The following NMNAT2 variants were observed in gnomAD, a reference collection of about 807,000 sequenced individuals.
NMNAT2 encodes the protein nicotinamide nucleotide adenylyltransferase 2.
Under a neutral mutation model 41.6 loss-of-function variants are expected in NMNAT2, and 11 were observed. That is an observed-to-expected ratio of 0.26 (90% CI 0.17 to 0.44). The LOEUF (loss-of-function observed/expected upper bound fraction) is 0.44. Ranked by LOEUF, NMNAT2 falls within the 20% of genes least tolerant of loss-of-function variation. The pLI is 1.00. For missense variants in NMNAT2, 288 were observed against 407.7 expected, an observed-to-expected ratio of 0.71 and a Z score of 2.53; for synonymous variants, 148 against 151.2, an observed-to-expected ratio of 0.98 and a Z score of 0.16.
At chr1:183,388,266 A>C (rs1196228669) in intron 1 of NMNAT2, among the ~76,000 whole-genome samples, 2 of 152,120 alleles carry the variant, frequency 1.3e-5, no homozygotes, top group Non-Finnish European at 2.9e-5. Context: ...AAACTGAAGA[A>C]TATGGAGGCG....
At chr1:183,317,410 A>T (rs1387441698) in intron 1 of NMNAT2, among the ~76,000 whole-genome samples, 1 of 152,154 alleles carries the variant, frequency 6.6e-6, no homozygotes, top group Non-Finnish European at 1.5e-5. Flanking sequence ...GCTGGCATTC[A>T]GCCACCATGT....
At chr1:183,412,559 G>A (rs1459334032) in intron 1 of NMNAT2, among the ~76,000 whole-genome samples, 5 of 152,232 alleles carry the variant, frequency 3.3e-5, no homozygotes, top group African/African-American at 1.2e-4. Context: ...AGAAATGAGT[G>A]TTGCAACCAA....
chr1:183,262,844 G>C (rs1220147825), intron 8 of NMNAT2, among the ~76,000 whole-genome samples: 1 of 152,210 alleles, frequency 6.6e-6, no homozygotes, highest in African/African-American at 2.4e-5. Context: ...TCCCAGATGG[G>C]GGAAGAGGGG....
chr1:183,307,302 G>T (rs1179309805), intron 1 of NMNAT2, among the ~76,000 whole-genome samples: 1 of 141,722 alleles, frequency 7.1e-6, no homozygotes, highest in Admixed American at 7.3e-5. Context: ...ACCAAACAAA[G>T]GGTTCTTTTT....
At chr1:183,404,275 A>G (rs1648894680) in intron 1 of NMNAT2, among the ~76,000 whole-genome samples, 1 of 152,064 alleles carries the variant, frequency 6.6e-6, no homozygotes, top group Non-Finnish European at 1.5e-5. Flanking sequence ...ATTTTAGTAG[A>G]GACGGGGTTT....
intron 1 of NMNAT2, among the ~76,000 whole-genome samples, chr1:183,334,314 G>A (rs1470685417): frequency 2.0e-5 from 3 of 151,402 alleles, no homozygotes; most frequent in South Asian, 2.1e-4. Context: ...AGATCCATCC[G>A]CCTCAGCCTT....
At chr1:183,332,542 T>C (rs1662606308) in intron 1 of NMNAT2, among the ~76,000 whole-genome samples, 1 of 152,156 alleles carries the variant, frequency 6.6e-6, no homozygotes, top group South Asian at 2.1e-4. Context: ...GAGAAAAGGC[T>C]TAAAATGAGG....
chr1:183,277,588 C>G (rs1026036438), intron 8 of NMNAT2, among the ~76,000 whole-genome samples: 2 of 151,640 alleles, frequency 1.3e-5, no homozygotes, highest in Non-Finnish European at 2.9e-5. Context: ...GAATCTTGAG[C>G]CTGACCCTGT....
intron 8 of NMNAT2, among the ~76,000 whole-genome samples, chr1:183,263,435 G>A (rs1363578681): frequency 6.6e-6 from 1 of 152,220 alleles, no homozygotes; most frequent in South Asian, 2.1e-4. Context: ...TCACTACTTA[G>A]ATACTGGTTC....
rs182061912 is a variant in NMNAT2 at position 183,351,249 on chromosome 1, G to A, written c.86-57456C>T. Reference sequence around the variant, plus strand: ...TGATAGGATTTTCAGATACTCTGACGAAGTGCATGGATTCCTGGCAGCAGG... The same window carrying A: ...TGATAGGATTTTCAGATACTCTGACAAAGTGCATGGATTCCTGGCAGCAGG... On this transcript the variant is annotated intron_variant, in intron 1 of 10. Coordinates refer to ENST00000287713, the MANE Select transcript of NMNAT2 (RefSeq NM_015039.4). Among the ~76,000 whole-genome samples the A allele has an allele frequency of 3.3e-5, 5 of 152,342 alleles. No homozygotes were observed. The East Asian group carries it at 7.7e-4, about 23-fold the overall frequency.
At chr1:183,260,298 T>A (rs1660624620) in intron 10 of NMNAT2, among the ~76,000 whole-genome samples, 1 of 152,212 alleles carries the variant, frequency 6.6e-6, no homozygotes, top group Admixed American at 6.5e-5. Flanking sequence ...GGAAGCTTCA[T>A]ATGGATGAGG....
At chr1:183,366,180 T>C (rs1368851876) in intron 1 of NMNAT2, among the ~76,000 whole-genome samples, 2 of 152,252 alleles carry the variant, frequency 1.3e-5, no homozygotes, top group Non-Finnish European at 2.9e-5. Context: ...CCATCCCGTC[T>C]TTCTGACCTC....
intron 1 of NMNAT2, among the ~76,000 whole-genome samples, chr1:183,325,455 T>C (rs1386480399): frequency 6.6e-6 from 1 of 152,254 alleles, no homozygotes; most frequent in African/African-American, 2.4e-5. Flanking sequence ...AGAAGTGTCG[T>C]ATTCTTTAAG....
chr1:183,413,721 C>T (rs569699768), intron 1 of NMNAT2, among the ~76,000 whole-genome samples: 1 of 150,252 alleles, frequency 6.7e-6, no homozygotes, highest in South Asian at 2.1e-4. Context: ...ATTCTCCTGC[C>T]TCAGCCTCCT....
chr1:183,412,519 G>A (rs557877787), intron 1 of NMNAT2, among the ~76,000 whole-genome samples: 15 of 152,302 alleles, frequency 9.8e-5, no homozygotes, highest in African/African-American at 3.4e-4. Flanking sequence ...CACCATGCCC[G>A]GCCAAAAGGA....
chr1:183,399,502 T>C (rs1648748967), intron 1 of NMNAT2, among the ~76,000 whole-genome samples: 1 of 152,176 alleles, frequency 6.6e-6, no homozygotes, highest in Admixed American at 6.5e-5. Context: ...GCTGGTACCA[T>C]TCCTTCTGAA....
intron 1 of NMNAT2, among the ~76,000 whole-genome samples, chr1:183,382,434 C>A (rs939560862): frequency 2.0e-5 from 3 of 152,180 alleles, no homozygotes; most frequent in Non-Finnish European, 2.9e-5. Flanking sequence ...AAAATATAAT[C>A]ATCACTTTTC....
At chr1:183,384,616 T>C (rs563990264) in intron 1 of NMNAT2, among the ~76,000 whole-genome samples, 17 of 152,272 alleles carry the variant, frequency 1.1e-4, no homozygotes, top group Admixed American at 3.3e-4. Flanking sequence ...TTCTCCAACA[T>C]TGGGGATGAC....
intron 1 of NMNAT2, among the ~76,000 whole-genome samples, chr1:183,381,184 G>C (rs1156793979): frequency 6.6e-6 from 1 of 152,146 alleles, no homozygotes; most frequent in Non-Finnish European, 1.5e-5. Context: ...TGACCAGGAG[G>C]ATGGGCATCC....
Sources: gnomAD v4.1 joint callset for allele counts (sites outside exome capture counted in the v4.1 genomes callset) on GRCh38, gnomAD v4.1.1 for gene constraint, MANE v1.5 for transcripts, NCBI Gene and HGNC (gene_info 2026-07-23, HGNC 2026-07-21) for gene names.